Variants in NRXN3 observed in about 807,000 individuals in gnomAD.
The protein encoded by NRXN3 is neurexin III.
A neutral mutation model predicts 137.6 loss-of-function variants in NRXN3; 32 were observed. The observed-to-expected ratio is 0.23, with a 90% CI of 0.18 to 0.31. The LOEUF (loss-of-function observed/expected upper bound fraction) is 0.31, where lower values mean the gene tolerates loss of function less well. Ranked by LOEUF, NRXN3 falls within the 10% of genes least tolerant of loss-of-function variation. NRXN3 has a pLI of 1.00. For synonymous variants in NRXN3, 798 were observed against 784.5 expected (o/e 1.02, Z -0.29); for missense variants, 1,574 against 2,062.5 (o/e 0.76, Z 4.59).
chr14:78,243,844 A>T lies in NRXN3; in HGVS notation c.709+42A>T. On this transcript the variant is annotated intron_variant, in intron 2 of 20. Coordinates refer to ENST00000335750, the MANE Select transcript of NRXN3 (RefSeq NM_001330195.2). This position sits in a 1 kb window ranked among gnomAD's most constrained non-coding sequence, Gnocchi z 4.2. ...CTCTTGCTAGAGACCCACCCACGGG[A>T]TGGCTGAGGCTGGGGCTCCTGATAC... 1 of 1,461,144 alleles carries T rather than the reference A, an allele frequency of 6.8e-7. No homozygotes were observed. Among genetic ancestry groups the T allele is most frequent in the Non-Finnish European group, 9.2e-7 (1 of 1,087,998 alleles). The allele number at this position is 1,461,144 out of a possible 1,614,324, so 90.5% of individuals were successfully genotyped here.
At chr14:79,060,553 G>A (rs1327951105) in intron 15 of NRXN3, among the ~76,000 whole-genome samples, 1 of 151,496 alleles carries the variant, frequency 6.6e-6, no homozygotes, top group Non-Finnish European at 1.5e-5. Context: ...TTTTTTTTTA[G>A]CATAAAGTGC....
At chr14:78,962,121 C>T (rs1037385719) in intron 11 of NRXN3, among the ~76,000 whole-genome samples, 9 of 152,026 alleles carry the variant, frequency 5.9e-5, no homozygotes, top group Admixed American at 5.9e-4. Flanking sequence ...AACCTTTTTT[C>T]CAAAGACAGT....
chr14:79,119,965 T>C (rs1450570033), intron 15 of NRXN3, among the ~76,000 whole-genome samples: 1 of 152,158 alleles, frequency 6.6e-6, no homozygotes, highest in Non-Finnish European at 1.5e-5. Flanking sequence ...TGTATTCATA[T>C]TTATTTTATA....
At position 79,412,606 on chromosome 14, in the gene NRXN3, C is replaced by G. The variant is rs370111761; in HGVS notation, c.3263-54615C>G. Among the ~76,000 whole-genome samples, 13 of 139,338 alleles carry G rather than the reference C, an allele frequency of 9.3e-5. No homozygotes were observed. In the East Asian group the frequency reaches 2.6e-3, roughly 28 times the overall value. 91.4% of individuals were successfully genotyped at this position (139,338 alleles called of 152,430 possible). A position where few individuals can be genotyped will look rare whatever the true frequency, so the allele number is the denominator to read the frequency against. ...CCAGCCTGGCCAACATGATGAAACC[C>G]CATCTACTAAAAAAAAAATACAAAA... is the stretch of plus-strand genomic sequence containing the variant. On this transcript the variant is annotated intron_variant, in intron 15 of 20. Transcript: ENST00000335750.
At chr14:79,196,985 G>T (rs181810586) in intron 15 of NRXN3, among the ~76,000 whole-genome samples, 5 of 152,138 alleles carry the variant, frequency 3.3e-5, no homozygotes, top group African/African-American at 1.2e-4. Context: ...GGGTCTGGGG[G>T]TCAGTTGAGG....
intron 10 of NRXN3, among the ~76,000 whole-genome samples, chr14:78,899,327 G>A (rs1354992556): frequency 6.6e-6 from 1 of 151,910 alleles, no homozygotes; most frequent in Non-Finnish European, 1.5e-5. Flanking sequence ...TTGTGTTCTG[G>A]TTTTCTCCAA....
chr14:78,956,833 T>C (rs534278926), intron 10 of NRXN3, among the ~76,000 whole-genome samples: 6 of 152,350 alleles, frequency 3.9e-5, no homozygotes, highest in Admixed American at 3.3e-4. Context: ...TGGTGTATCA[T>C]GCCAAATGGC....
At chr14:78,683,073 G>A (rs138279305) in intron 6 of NRXN3, among the ~76,000 whole-genome samples, 239 of 152,210 alleles carry the variant, frequency 1.6e-3, no homozygotes, top group African/African-American at 5.6e-3. Flanking sequence ...TGTGTTTTAC[G>A]TTTAAAATCA....
At chr14:79,419,624 G>A (rs1438029568) in intron 15 of NRXN3, among the ~76,000 whole-genome samples, 2 of 151,982 alleles carry the variant, frequency 1.3e-5, no homozygotes, top group Admixed American at 6.6e-5. Flanking sequence ...AGAGAGAAAG[G>A]GAGGGGAGAG....
chr14:78,800,592 G>A (rs1391746608), intron 8 of NRXN3, among the ~76,000 whole-genome samples: 6 of 152,196 alleles, frequency 3.9e-5, no homozygotes, highest in Admixed American at 2.0e-4. Flanking sequence ...AAATTGTAAT[G>A]TGCAGCTGTT....
chr14:79,762,076 A>C (rs2099040608), intron 19 of NRXN3, among the ~76,000 whole-genome samples: 1 of 151,622 alleles, frequency 6.6e-6, no homozygotes, highest in Non-Finnish European at 1.5e-5. Context: ...TTATATTGGA[A>C]ACAAGGTTAG....
chr14:79,582,432 AT>A (rs56827922), intron 16 of NRXN3, among the ~76,000 whole-genome samples: 15,677 of 151,910 alleles, frequency 0.1, 1,234 homozygotes, highest in African/African-American at 0.22. Flanking sequence ...TATAATTATT[AT>A]TTTTTTGAGA....
chr14:79,547,984 G>A (rs1398978726), intron 16 of NRXN3, among the ~76,000 whole-genome samples: 1 of 151,904 alleles, frequency 6.6e-6, no homozygotes, highest in Non-Finnish European at 1.5e-5. Flanking sequence ...AGTGTCAGTG[G>A]GAGAAGCCAA....
At chr14:78,991,971 C>A (rs1275244414) in intron 15 of NRXN3, among the ~76,000 whole-genome samples, 2 of 152,188 alleles carry the variant, frequency 1.3e-5, no homozygotes, top group Non-Finnish European at 2.9e-5. Flanking sequence ...TTCAGTTTCA[C>A]TCTTATAAAC....
rs58861355 is a variant in NRXN3 at position 79,486,913 on chromosome 14, TTCTCTCTCTCTCTCTCTCTCTC to T, written c.3444+19538_3444+19559del. 7.9e-4 allele frequency among the ~76,000 whole-genome samples: 102 copies of T among 128,548 alleles called. 1 individual carries two copies. The highest frequency in any genetic ancestry group is 3.9e-3 in the Middle Eastern group (1 of 256). 84.3% of individuals were successfully genotyped at this position (128,548 alleles called of 152,430 possible). A position where few individuals can be genotyped will look rare whatever the true frequency, so the allele number is the denominator to read the frequency against. ...CCTTCTATTAAACTCTCTTTACAGG[TTCTCTCTCTCTCTCTCTCTCTC>T]TCTCTCTCTCTCTCTCTCTCTCTCT... is the stretch of plus-strand genomic sequence containing the variant. On this transcript the variant is annotated intron_variant, in intron 16 of 20. Transcript: ENST00000335750.
At chr14:79,297,790 G>C (rs1424413280) in intron 15 of NRXN3, among the ~76,000 whole-genome samples, 1 of 152,102 alleles carries the variant, frequency 6.6e-6, no homozygotes, top group Non-Finnish European at 1.5e-5. Context: ...CCAGCACTGC[G>C]AGGAAGAGGC....
chr14:79,127,344 A>G (rs1323536571), intron 15 of NRXN3, among the ~76,000 whole-genome samples: 1 of 151,872 alleles, frequency 6.6e-6, no homozygotes, highest in Non-Finnish European at 1.5e-5. Flanking sequence ...TCTTGAATTG[A>G]TTTTTGTATA....
At chr14:78,672,402 A>G (rs1044222095) in intron 6 of NRXN3, among the ~76,000 whole-genome samples, 4 of 152,238 alleles carry the variant, frequency 2.6e-5, no homozygotes, top group African/African-American at 9.6e-5. Context: ...TATGGCTACC[A>G]TGTATTAAGT....
intron 1 of NRXN3, among the ~76,000 whole-genome samples, chr14:78,193,761 CAAAAAAAA>C (rs375804646): frequency 9.2e-6 from 1 of 109,080 alleles, no homozygotes; most frequent in East Asian, 2.5e-4. Context: ...AACTCTGTCT[CAAAAAAAA>C]AAAAAAAAAA....
Sources: gnomAD v4.1 joint callset for allele counts (sites outside exome capture counted in the v4.1 genomes callset) on GRCh38, gnomAD v4.1.1 for gene constraint, Gnocchi (gnomAD v3.1) non-coding constraint, MANE v1.5 for transcripts, NCBI Gene and HGNC (gene_info 2026-07-23, HGNC 2026-07-21) for gene names.